The following THSD7A variants were observed in gnomAD, a reference collection of about 807,000 sequenced individuals.
THSD7A encodes thrombospondin type 1 domain containing 7A, also known as thrombospondin type-1 domain-containing protein 7A.
Under a neutral mutation model 231.3 loss-of-function variants are expected in THSD7A, and 96 were observed. The observed-to-expected ratio is 0.41, with a 90% CI of 0.35 to 0.49. The LOEUF is 0.49. Ranked by LOEUF, THSD7A falls within the 20% of genes least tolerant of loss-of-function variation. THSD7A has a pLI of 0.05. For synonymous variants in THSD7A, 940 were observed against 743.3 expected (o/e 1.26, Z -4.30); for missense variants, 2,290 against 2,070.2 (o/e 1.11, Z -2.06).
intron 6 of THSD7A, among the ~76,000 whole-genome samples, chr7:11,499,222 G>T (rs1040113077): frequency 6.6e-6 from 1 of 152,178 alleles, no homozygotes; most frequent in East Asian, 1.9e-4. Context: ...ACCAGACAGG[G>T]AACTCCTGGC....
intron 1 of THSD7A, among the ~76,000 whole-genome samples, chr7:11,676,466 C>A (rs1172764127): frequency 6.6e-6 from 1 of 152,050 alleles, no homozygotes; most frequent in Non-Finnish European, 1.5e-5. Context: ...TAACAAACTC[C>A]TCTGAACTAA....
chr7:11,742,333 A>G (rs1240052984), intron 1 of THSD7A, among the ~76,000 whole-genome samples: 2 of 151,948 alleles, frequency 1.3e-5, no homozygotes, highest in African/African-American at 4.8e-5. Context: ...CCTTTCAAGT[A>G]TTCAATTAGT....
chr7:11,566,015 G>C (rs10264054), intron 4 of THSD7A, among the ~76,000 whole-genome samples: 4,120 of 151,726 alleles, frequency 0.027, 195 homozygotes, highest in African/African-American at 0.093. Flanking sequence ...CCCACTCATC[G>C]CAAGACACAT....
chr7:11,647,044 A>G (rs1782310482), intron 1 of THSD7A, among the ~76,000 whole-genome samples: 1 of 152,046 alleles, frequency 6.6e-6, no homozygotes, highest in African/African-American at 2.4e-5. Flanking sequence ...GAATAGAATG[A>G]TTAAACATTT....
intron 2 of THSD7A, among the ~76,000 whole-genome samples, chr7:11,618,950 T>C (rs1196649623): frequency 6.6e-6 from 1 of 152,030 alleles, no homozygotes; most frequent in Non-Finnish European, 1.5e-5. Context: ...TATTTTTTCT[T>C]TATATTTTAA....
chr7:11,826,812 C>CA (rs3037773), intron 1 of THSD7A, among the ~76,000 whole-genome samples: 5,790 of 120,578 alleles, frequency 0.048, 164 homozygotes, highest in Non-Finnish European at 0.074. Flanking sequence ...GCCTCTGTCT[C>CA]AAAAAAAAAA....
intron 27 of THSD7A, 81 bp downstream of exon 27, chr7:11,376,489 G>C (rs576157382): frequency 9.4e-6 from 10 of 1,060,734 alleles, no homozygotes; most frequent in Non-Finnish European, 1.4e-5. Context: ...TAAATGTAGA[G>C]TACTTATTTG....
chr7:11,418,806 C>G (rs1170307065), intron 16 of THSD7A, among the ~76,000 whole-genome samples: 2 of 151,932 alleles, frequency 1.3e-5, no homozygotes. Flanking sequence ...AATACCCAAA[C>G]AAATACCTAC....
At chr7:11,625,560 T>C (rs902658681) in intron 2 of THSD7A, among the ~76,000 whole-genome samples, 2 of 151,966 alleles carry the variant, frequency 1.3e-5, no homozygotes, top group Admixed American at 6.6e-5. Context: ...TACAATGATA[T>C]GAGATTTTAA....
chr7:11,803,348 G>A (rs372004728), intron 1 of THSD7A, among the ~76,000 whole-genome samples: 58 of 152,254 alleles, frequency 3.8e-4, no homozygotes, highest in African/African-American at 1.3e-3. Flanking sequence ...GATGTATCAA[G>A]TAATAGACCC....
intron 18 of THSD7A, 139 bp downstream of exon 18, chr7:11,412,517 T>C: frequency 1.0e-6 from 1 of 983,862 alleles, no homozygotes. Flanking sequence ...TGTCATTTAA[T>C]ATGTAATTAT....
intron 1 of THSD7A, among the ~76,000 whole-genome samples, chr7:11,699,992 T>C (rs903581546): frequency 1.3e-5 from 2 of 151,318 alleles, no homozygotes; most frequent in East Asian, 2.0e-4. Flanking sequence ...ATCAGAATAG[T>C]GTGTAAGAAG....
At position 11,446,743 on chromosome 7, in the gene THSD7A, G is replaced by C. The variant is rs181850447; in HGVS notation, c.2801-419C>G. 9.2e-5 allele frequency among the ~76,000 whole-genome samples: 14 copies of C among 152,194 alleles called. No homozygotes were observed. In the East Asian group the frequency reaches 2.1e-3, roughly 23 times the overall value. ...ATTGGCAATATTTCAAATGCACCAAGCTTTAGTTCAGAGTGATGGATCCTA... is the reference window on the plus strand; with the variant it reads ...ATTGGCAATATTTCAAATGCACCAACCTTTAGTTCAGAGTGATGGATCCTA... On this transcript the variant is annotated intron_variant, in intron 12 of 27. Transcript: ENST00000423059. The surrounding 1 kb of genome is among the most constrained non-coding windows in gnomAD (Gnocchi z 4.0).
chr7:11,782,605 A>T (rs1388885637), intron 1 of THSD7A, among the ~76,000 whole-genome samples: 1 of 152,164 alleles, frequency 6.6e-6, no homozygotes, highest in African/African-American at 2.4e-5. Context: ...TCATCACCGA[A>T]ATTAACCAAA....
rs1785201882 is a variant in THSD7A at position 11,453,319 on chromosome 7, C to T, written c.2606-5895G>A. 1.3e-4 allele frequency among the ~76,000 whole-genome samples: 7 copies of T among 55,926 alleles called. No individual in the cohort carries two copies. The South Asian group carries it at 7.5e-3, about 60-fold the overall frequency. 36.7% of individuals were successfully genotyped at this position (55,926 alleles called of 152,430 possible). On this transcript the variant is annotated intron_variant, in intron 11 of 27. Coordinates refer to ENST00000423059, the MANE Select transcript of THSD7A (RefSeq NM_015204.3). The stretch of plus-strand genomic sequence containing the variant: ...TTAATAGGGGAGAATTAGAATTTTT[C>T]TTTTACCTTTTTTTTTTTTTAAGGA...
rs1692992046 is a variant in THSD7A at position 11,632,028 on chromosome 7, G to A, written c.1022+4102C>T. Among the ~76,000 whole-genome samples the A allele has an allele frequency of 6.6e-6, 1 of 152,110 alleles. No homozygotes were observed. The highest frequency in any genetic ancestry group is 2.4e-5 in the African/African-American group (1 of 41,426). On this transcript the variant is annotated intron_variant, in intron 2 of 27. Transcript: ENST00000423059. This position sits in a 1 kb window ranked among gnomAD's most constrained non-coding sequence, Gnocchi z 4.1. ...TTCCTTACATTGATATAAAATTTCTGTAAATGATGAGTGGCTGTGCCTAAT... is the reference window on the plus strand; with the variant it reads ...TTCCTTACATTGATATAAAATTTCTATAAATGATGAGTGGCTGTGCCTAAT...
chr7:11,824,272 T>G (rs1164889216), intron 1 of THSD7A, among the ~76,000 whole-genome samples: 1 of 152,040 alleles, frequency 6.6e-6, no homozygotes, highest in African/African-American at 2.4e-5. Flanking sequence ...GTCCTATATA[T>G]TCACTACACT....
At chr7:11,466,690 C>T (rs1183196908) in intron 9 of THSD7A, among the ~76,000 whole-genome samples, 1 of 152,078 alleles carries the variant, frequency 6.6e-6, no homozygotes, top group Non-Finnish European at 1.5e-5. Flanking sequence ...ATTCCTTGCT[C>T]CGGATGACAT....
chr7:11,496,932 G>A (rs1175591598), intron 6 of THSD7A, among the ~76,000 whole-genome samples: 2 of 152,186 alleles, frequency 1.3e-5, no homozygotes, highest in African/African-American at 4.8e-5. Flanking sequence ...TAGATGTCAT[G>A]AGTCCAGAAA....
Sources: gnomAD v4.1 joint callset for allele counts (sites outside exome capture counted in the v4.1 genomes callset) on GRCh38, gnomAD v4.1.1 for gene constraint, Gnocchi (gnomAD v3.1) non-coding constraint, MANE v1.5 for transcripts, NCBI Gene and HGNC (gene_info 2026-07-23, HGNC 2026-07-21) for gene names.